Variants in EXOC4 observed in about 807,000 individuals in gnomAD.
EXOC4 encodes the protein exocyst complex component 4.
A neutral mutation model predicts 107.2 loss-of-function variants in EXOC4; 71 were observed. The observed-to-expected ratio is 0.66, with a 90% CI of 0.55 to 0.81. The LOEUF is 0.81. Among genes scored for constraint, EXOC4 ranks in the 30% least tolerant of loss-of-function variants. The probability of loss-of-function intolerance (pLI) is 0.00; values close to 1 mark genes in which losing one functional copy is unlikely to be tolerated. For synonymous variants in EXOC4, 456 were observed against 441.2 expected (o/e 1.03, Z -0.42); for missense variants, 1,108 against 1,189.6 (o/e 0.93, Z 1.01).
At chr7:133,381,910 A>G (rs1404153685) in intron 7 of EXOC4, among the ~76,000 whole-genome samples, 2 of 152,198 alleles carry the variant, frequency 1.3e-5, no homozygotes, top group African/African-American at 2.4e-5. Context: ...TTATGTGGGA[A>G]CATATTAAAA....
chr7:133,759,510 G>A (rs985589167), intron 10 of EXOC4, among the ~76,000 whole-genome samples: 1 of 152,090 alleles, frequency 6.6e-6, no homozygotes, highest in African/African-American at 2.4e-5. Flanking sequence ...TCCTATGAGT[G>A]TCCTCATTTT....
intron 17 of EXOC4, among the ~76,000 whole-genome samples, chr7:134,018,331 C>T (rs1394418628): frequency 2.6e-5 from 4 of 152,162 alleles, no homozygotes; most frequent in African/African-American, 9.7e-5. Context: ...GGCACAATCG[C>T]TGTCGTAAAA....
chr7:133,401,966 A>C lies in EXOC4; in HGVS notation c.1182+26964A>C, dbSNP rs544282047. Among the ~76,000 whole-genome samples the C allele has an allele frequency of 2.0e-5, 3 of 152,288 alleles. No individual in the cohort carries two copies. In the East Asian group the frequency reaches 5.8e-4, roughly 29 times the overall value. Reference sequence around the variant, plus strand: ...CCTTGGTAACACATTTGCACCTGACAAAAGGGAGTGGGCAGAAAATTAGCT... The same window carrying C: ...CCTTGGTAACACATTTGCACCTGACCAAAGGGAGTGGGCAGAAAATTAGCT... On this transcript the variant is annotated intron_variant, in intron 7 of 17. Coordinates refer to ENST00000253861, the MANE Select transcript of EXOC4 (RefSeq NM_021807.4).
At chr7:133,650,518 A>G (rs138698643) in intron 10 of EXOC4, among the ~76,000 whole-genome samples, 3 of 152,304 alleles carry the variant, frequency 2.0e-5, no homozygotes, top group African/African-American at 7.2e-5. Flanking sequence ...CCAGAAGTTT[A>G]CATGGTGTGT....
the EXOC4 span, among the ~76,000 whole-genome samples, chr7:134,087,549 C>T: frequency 1.3e-5 from 2 of 152,142 alleles, no homozygotes; most frequent in Non-Finnish European, 2.9e-5. Context: ...AATTAGAAGG[C>T]TTTCCATGAA....
At chr7:133,983,692 G>C (rs1794048022) in intron 14 of EXOC4, among the ~76,000 whole-genome samples, 2 of 148,944 alleles carry the variant, frequency 1.3e-5, no homozygotes. Flanking sequence ...CTAAAATTCT[G>C]CTAAGCTTAA....
At chr7:133,948,667 T>C (rs1386927333) in intron 14 of EXOC4, among the ~76,000 whole-genome samples, 2 of 152,186 alleles carry the variant, frequency 1.3e-5, no homozygotes, top group Non-Finnish European at 2.9e-5. Flanking sequence ...TTTCAGACTT[T>C]CAAGAACCTT....
At chr7:133,821,885 AAATG>A (rs745493014) in intron 11 of EXOC4, among the ~76,000 whole-genome samples, 11 of 152,336 alleles carry the variant, frequency 7.2e-5, no homozygotes, top group Admixed American at 2.0e-4. Flanking sequence ...GAGTGAATGA[AAATG>A]AATGAATGAA....
At chr7:133,706,680 A>G (rs936042800) in intron 10 of EXOC4, among the ~76,000 whole-genome samples, 4 of 152,116 alleles carry the variant, frequency 2.6e-5, no homozygotes, top group Admixed American at 2.6e-4. Context: ...TTTTTTTCAT[A>G]TCAGGTCTTA....
chr7:133,895,476 A>C (rs938660825), intron 11 of EXOC4, 123 bp from the exon 12 acceptor site: 22 of 1,021,746 alleles, frequency 2.2e-5, no homozygotes, highest in Non-Finnish European at 3.1e-5. Flanking sequence ...TCATATTTCA[A>C]AATGTCACAT....
At chr7:133,803,424 A>G (rs1796994997) in intron 10 of EXOC4, among the ~76,000 whole-genome samples, 2 of 152,154 alleles carry the variant, frequency 1.3e-5, no homozygotes, top group Admixed American at 6.5e-5. Flanking sequence ...TCAGCTGAGT[A>G]TAACATACTG....
intron 11 of EXOC4, among the ~76,000 whole-genome samples, chr7:133,855,144 A>AATAT (rs1235510935): frequency 3.1e-5 from 3 of 96,498 alleles, no homozygotes; most frequent in Non-Finnish European, 5.8e-5. Context: ...TATATATATA[A>AATAT]ATATATATAT....
chr7:133,496,754 C>G (rs751368615), intron 9 of EXOC4, among the ~76,000 whole-genome samples: 3 of 152,046 alleles, frequency 2.0e-5, no homozygotes, highest in Non-Finnish European at 4.4e-5. Context: ...ATGACCAGAC[C>G]CATGCCCATG....
intron 10 of EXOC4, among the ~76,000 whole-genome samples, chr7:133,741,511 C>T (rs542201098): frequency 2.0e-5 from 3 of 152,294 alleles, no homozygotes; most frequent in Admixed American, 1.3e-4. Flanking sequence ...TTTCTCTCCA[C>T]TAGGCAAAGA....
chr7:133,556,206 C>T (rs1262630848), intron 9 of EXOC4, among the ~76,000 whole-genome samples: 1 of 152,186 alleles, frequency 6.6e-6, no homozygotes, highest in East Asian at 1.9e-4. Context: ...AGGTTCTAAA[C>T]TAATTATCTG....
chr7:133,829,459 G>GT (rs1797765541), intron 11 of EXOC4, among the ~76,000 whole-genome samples: 1 of 152,204 alleles, frequency 6.6e-6, no homozygotes, highest in South Asian at 2.1e-4. Context: ...GAGACAGAAA[G>GT]TTTTATGTGT....
intron 12 of EXOC4, among the ~76,000 whole-genome samples, chr7:133,911,904 A>C (rs1799704164): frequency 6.6e-6 from 1 of 152,178 alleles, no homozygotes; most frequent in Admixed American, 6.5e-5. Context: ...CTTTCTAGAT[A>C]TGAGTGGTGA....
intron 9 of EXOC4, among the ~76,000 whole-genome samples, chr7:133,556,276 A>G (rs1437142104): frequency 2.0e-5 from 3 of 152,186 alleles, no homozygotes; most frequent in Non-Finnish European, 4.4e-5. Context: ...AATGGCTTGT[A>G]TTTCAGTACA....
chr7:133,933,667 C>G (rs1490396657), intron 13 of EXOC4, among the ~76,000 whole-genome samples: 1 of 152,206 alleles, frequency 6.6e-6, no homozygotes, highest in East Asian at 1.9e-4. Context: ...GCCATTCTGG[C>G]TGCGAGGTCT....
Sources: allele counts gnomAD v4.1 joint callset (sites outside exome capture counted in the v4.1 genomes callset), GRCh38; gene constraint gnomAD v4.1.1; transcripts MANE v1.5; gene names NCBI Gene and HGNC (gene_info 2026-07-23, HGNC 2026-07-21).